PAK1: variants seen among roughly 807,000 people sequenced by gnomAD.
PAK1 encodes p21 (RAC1) activated kinase 1.
Under a neutral mutation model 67.4 loss-of-function variants are expected in PAK1, and 29 were observed. The ratio of observed to expected loss-of-function variants is 0.43; its 90% CI spans 0.32 to 0.59. The LOEUF is 0.59. PAK1 is among the 20% of genes least tolerant of loss of function. PAK1 has a pLI of 0.07. For synonymous variants in PAK1, 223 were observed against 237.4 expected, an observed-to-expected ratio of 0.94 and a Z score of 0.56; for missense variants, 337 against 670.7, an observed-to-expected ratio of 0.50 and a Z score of 5.50.
the PAK1 span, among the ~76,000 whole-genome samples, chr11:77,480,513 C>A: frequency 4.0e-5 from 6 of 150,324 alleles, no homozygotes; most frequent in Non-Finnish European, 8.9e-5. Flanking sequence ...GTCTGAGTAA[C>A]CACCATGGTT....
intron 1 of PAK1, among the ~76,000 whole-genome samples, chr11:77,407,962 A>C (rs1008321251): frequency 4.6e-5 from 7 of 152,204 alleles, no homozygotes; most frequent in African/African-American, 1.4e-4. Flanking sequence ...GTAGGCAGAA[A>C]AGAGGATATA....
chr11:77,373,562 TAAAAAAAAAAAA>T (rs34413403), intron 5 of PAK1, among the ~76,000 whole-genome samples: 1 of 120,776 alleles, frequency 8.3e-6, no homozygotes, highest in African/African-American at 3.1e-5. Flanking sequence ...CTCGTCTCTT[TAAAAAAAAAAAA>T]AAAAAAAAGC....
chr11:77,408,613 C>T (rs1308660623), intron 1 of PAK1, among the ~76,000 whole-genome samples: 3 of 151,630 alleles, frequency 2.0e-5, no homozygotes, highest in African/African-American at 7.3e-5. Context: ...GTAATCTTGT[C>T]GTTCTCATCT....
chr11:77,506,774 G>A, the PAK1 span, among the ~76,000 whole-genome samples: 1 of 152,100 alleles, frequency 6.6e-6, no homozygotes, highest in Admixed American at 6.5e-5. Context: ...ATTAAAGTGG[G>A]GCCAGGGATA....
At chr11:77,443,399 AAGG>A (rs1426301764) in intron 1 of PAK1, among the ~76,000 whole-genome samples, 1 of 152,102 alleles carries the variant, frequency 6.6e-6, no homozygotes, top group African/African-American at 2.4e-5. Flanking sequence ...CAGCCACCAC[AAGG>A]AGATGGCTCT....
intron 1 of PAK1, among the ~76,000 whole-genome samples, chr11:77,466,625 A>T (rs1957610827): frequency 2.0e-5 from 3 of 152,150 alleles, no homozygotes; most frequent in Admixed American, 1.3e-4. Context: ...AAGTCTTCAA[A>T]TGACAGCTTG....
At chr11:77,378,138 G>A (rs2137056926) in intron 4 of PAK1, among the ~76,000 whole-genome samples, 1 of 152,290 alleles carries the variant, frequency 6.6e-6, no homozygotes, top group Middle Eastern at 3.4e-3. Flanking sequence ...GAGGCAACAT[G>A]AGTAAAGAGC....
At chr11:77,424,690 T>C (rs1450677169) in intron 1 of PAK1, among the ~76,000 whole-genome samples, 1 of 152,184 alleles carries the variant, frequency 6.6e-6, no homozygotes, top group Non-Finnish European at 1.5e-5. Context: ...TATCTCCCAT[T>C]ATTCCCTTCT....
In PAK1 at chr11:77,351,970, T is replaced by C. The variant is rs551991464; in HGVS notation, c.836+1566A>G. ...TATATGTACACACCCATGTGTTCAC[T>C]ACCAAGATCACCCCCAAAGATTCCC... is the stretch of plus-strand genomic sequence containing the variant. On this transcript the variant is annotated intron_variant, in intron 8 of 14. Transcript: ENST00000356341. Among the ~76,000 whole-genome samples the C allele has an allele frequency of 3.3e-5, 5 of 152,266 alleles. No homozygotes were observed. In the South Asian group the frequency reaches 8.3e-4, roughly 25 times the overall value.
chr11:77,357,759 CAATT>C (rs1161564478), intron 6 of PAK1, among the ~76,000 whole-genome samples: 1 of 152,098 alleles, frequency 6.6e-6, no homozygotes, highest in Non-Finnish European at 1.5e-5. Context: ...CTATGAAGAT[CAATT>C]AATTAATTAA....
At chr11:77,352,093 A>G (rs1284829050) in intron 8 of PAK1, among the ~76,000 whole-genome samples, 1 of 152,124 alleles carries the variant, frequency 6.6e-6, no homozygotes, top group Non-Finnish European at 1.5e-5. Flanking sequence ...TGAATTTCAT[A>G]TAAATAGAAT....
the PAK1 span, among the ~76,000 whole-genome samples, chr11:77,491,969 T>C: frequency 1.3e-5 from 2 of 152,196 alleles, no homozygotes; most frequent in Non-Finnish European, 2.9e-5. Flanking sequence ...AAGACACACA[T>C]ACACTGACAA....
chr11:77,518,673 G>T, the PAK1 span, among the ~76,000 whole-genome samples: 1 of 152,234 alleles, frequency 6.6e-6, no homozygotes, highest in African/African-American at 2.4e-5. Flanking sequence ...CTCATCATCT[G>T]AAGTGTCATC....
intron 1 of PAK1, among the ~76,000 whole-genome samples, chr11:77,443,178 C>T (rs996243040): frequency 1.3e-5 from 2 of 151,804 alleles, no homozygotes; most frequent in African/African-American, 4.8e-5. Flanking sequence ...CAAAAATTAG[C>T]CGGGTGTGGT....
chr11:77,507,672 C>A, the PAK1 span, among the ~76,000 whole-genome samples: 2 of 152,038 alleles, frequency 1.3e-5, no homozygotes, highest in African/African-American at 4.8e-5. Context: ...CAGGTGCACA[C>A]CACCAAACTA....
At chr11:77,436,997 G>A (rs1006742832) in intron 1 of PAK1, among the ~76,000 whole-genome samples, 12 of 152,184 alleles carry the variant, frequency 7.9e-5, no homozygotes, top group African/African-American at 1.7e-4. Flanking sequence ...ATAAAATGGG[G>A]ATGATACTAC....
the PAK1 span, among the ~76,000 whole-genome samples, chr11:77,494,770 A>G: frequency 2.0e-5 from 3 of 152,180 alleles, no homozygotes; most frequent in Admixed American, 1.3e-4. Context: ...CTGTAATTCT[A>G]GCACTTTGGG....
At chr11:77,482,570 A>G in the PAK1 span, among the ~76,000 whole-genome samples, 1 of 150,136 alleles carries the variant, frequency 6.7e-6, no homozygotes, top group South Asian at 2.1e-4. Flanking sequence ...TCTAAAAATG[A>G]TTTTATTTTT....
chr11:77,442,970 T>C (rs1236648506), intron 1 of PAK1, among the ~76,000 whole-genome samples: 1 of 152,190 alleles, frequency 6.6e-6, no homozygotes, highest in African/African-American at 2.4e-5. Context: ...TCACCTTCCT[T>C]GCAGATTATT....
Sources: gnomAD v4.1 joint callset for allele counts (sites outside exome capture counted in the v4.1 genomes callset) on GRCh38, gnomAD v4.1.1 for gene constraint, MANE v1.5 for transcripts, NCBI Gene and HGNC (gene_info 2026-07-23, HGNC 2026-07-21) for gene names.